DYNC1LI1: variants seen among roughly 807,000 people sequenced by gnomAD.
The protein encoded by DYNC1LI1 is cytoplasmic dynein 1 light intermediate chain 1.
DYNC1LI1 carries 19 observed loss-of-function variants against 63.8 expected under a neutral mutation model. That is an observed-to-expected ratio of 0.30 (90% CI 0.21 to 0.44). DYNC1LI1 has a LOEUF of 0.44. DYNC1LI1 is among the 20% of genes least tolerant of loss of function. DYNC1LI1 has a pLI of 1.00. For missense variants in DYNC1LI1, 565 were observed against 630.2 expected, an observed-to-expected ratio of 0.90 and a Z score of 1.11; for synonymous variants, 225 against 232.3, an observed-to-expected ratio of 0.97 and a Z score of 0.28.
intron 6 of DYNC1LI1, among the ~76,000 whole-genome samples, chr3:32,535,994 TTTTTA>T (rs1264151018): frequency 2.0e-5 from 3 of 152,118 alleles, no homozygotes; most frequent in South Asian, 2.1e-4. Context: ...TTACCCTCAC[TTTTTA>T]TTTTATTTTT....
chr3:32,553,180 G>A (rs1267217026), intron 2 of DYNC1LI1, among the ~76,000 whole-genome samples: 1 of 152,030 alleles, frequency 6.6e-6, no homozygotes, highest in Admixed American at 6.5e-5. Flanking sequence ...CAAAAAAATA[G>A]AAAAATTGGC....
At chr3:32,560,828 AC>A (rs1698179938) in intron 2 of DYNC1LI1, among the ~76,000 whole-genome samples, 1 of 150,788 alleles carries the variant, frequency 6.6e-6, no homozygotes, top group Non-Finnish European at 1.5e-5. Flanking sequence ...ACATGGAGAA[AC>A]CCCCGTCTAC....
At chr3:32,545,209 T>C (rs1575153897) in intron 3 of DYNC1LI1, 103 bp from the exon 4 acceptor site, 6 of 744,566 alleles carry the variant, frequency 8.1e-6, no homozygotes, top group East Asian at 2.7e-5. Context: ...ACAGGAGATG[T>C]GCTATTGGCT....
intron 4 of DYNC1LI1, among the ~76,000 whole-genome samples, chr3:32,544,574 C>T (rs910954522): frequency 6.6e-6 from 1 of 152,056 alleles, no homozygotes. Context: ...GCGAGACCAG[C>T]CTGGCCAATA....
At chr3:32,554,406 C>T (rs1698084172) in intron 2 of DYNC1LI1, among the ~76,000 whole-genome samples, 1 of 152,184 alleles carries the variant, frequency 6.6e-6, no homozygotes, top group Admixed American at 6.5e-5. Flanking sequence ...TTTCCCCACC[C>T]TGTGATTTCA....
At chr3:32,563,519 T>C (rs1356184404) in intron 2 of DYNC1LI1, among the ~76,000 whole-genome samples, 1 of 152,160 alleles carries the variant, frequency 6.6e-6, no homozygotes, top group Non-Finnish European at 1.5e-5. Flanking sequence ...CTCGAACTCA[T>C]GACTTGAAGT....
chr3:32,544,003 T>C (rs1202410367), intron 4 of DYNC1LI1, among the ~76,000 whole-genome samples: 2 of 151,194 alleles, frequency 1.3e-5, no homozygotes, highest in East Asian at 4.0e-4. Context: ...CGGGCAGAGG[T>C]TGCAGTGAAC....
At position 32,541,169 on chromosome 3, in the gene DYNC1LI1, T is replaced by C. The variant is rs763473356; in HGVS notation, c.606A>G (p.Glu202=). ...TTCTCTGGGGAGAAGCCGGGAAGTC[T>C]TCTCCTGGCTCTACATATTCTTGGA... ...RDFQEYVEPG[E]DFPASPQRRN... is the part of the protein sequence containing the mutation. Residue 202 remains glutamate (E), a synonymous_variant, in exon 5 of 13, where the codon GAA becomes GAG. Transcript: ENST00000273130. 2 of 1,612,570 alleles carry C rather than the reference T, an allele frequency of 1.2e-6. No homozygotes were observed. The highest frequency in any genetic ancestry group is 1.7e-6 in the Non-Finnish European group (2 of 1,179,080).
chr3:32,533,226 T>G, intron 7 of DYNC1LI1, 129 bp from the exon 8 acceptor site: 1 of 1,345,636 alleles, frequency 7.4e-7, no homozygotes. Context: ...AATTAGCTTT[T>G]CATTATGATG....
At chr3:32,538,337 G>A (rs1379087019) in intron 5 of DYNC1LI1, among the ~76,000 whole-genome samples, 2 of 151,036 alleles carry the variant, frequency 1.3e-5, no homozygotes, top group Non-Finnish European at 2.9e-5. Context: ...GATTTCAAAT[G>A]ATTAAAAATA....
In DYNC1LI1 at chr3:32,529,625, T is replaced by C; in HGVS notation, c.1221A>G (p.Arg407=). ...ASPRVPGGSP[R]TPNRSVSSNV... is the part of the protein sequence containing the mutation. ...TAGATGATACAGATCTATTTGGTGT[T>C]CGTGGGGAGCCTCCTGGGACTCTTG... The change falls in exon 11 of 13, where the codon CGA becomes CGG. Residue 407 remains arginine, a synonymous_variant. Coordinates refer to ENST00000273130, the MANE Select transcript of DYNC1LI1 (RefSeq NM_016141.4). 1.2e-6 allele frequency: 2 copies of C among 1,609,958 alleles called. No individual in the cohort carries two copies. Among genetic ancestry groups the C allele is most frequent in the South Asian group, 1.1e-5 (1 of 90,550 alleles).
At chr3:32,538,037 A>ATATATAATTTATATATATAT (rs1697819508) in intron 5 of DYNC1LI1, among the ~76,000 whole-genome samples, 1 of 8,768 alleles carries the variant, frequency 1.1e-4, no homozygotes, top group Non-Finnish European at 1.5e-4. Flanking sequence ...TATATATAAT[A>ATATATAATTTATATATATAT]TATATATATA....
At position 32,539,977 on chromosome 3, in the gene DYNC1LI1, G is replaced by A. The variant is rs58543537; in HGVS notation, c.738+1060C>T. Among the ~76,000 whole-genome samples the A allele has an allele frequency of 6.7e-3, 1,007 of 151,040 alleles. 15 individuals carry two copies. Among genetic ancestry groups the A allele is most frequent in the African/African-American group, 9.1e-3 (376 of 41,150 alleles). On this transcript the variant is annotated intron_variant, in intron 5 of 12. Transcript: ENST00000273130. ...CCTCCCGAGTACATGCCATTCTCCC[G>A]CTTCAGCCTCCTGAGTAGCTGGGAC...
intron 5 of DYNC1LI1, among the ~76,000 whole-genome samples, chr3:32,538,106 G>GA (rs1228784975): frequency 1.8e-5 from 1 of 56,928 alleles, no homozygotes; most frequent in Admixed American, 2.8e-4. Flanking sequence ...ATATAAAATA[G>GA]CAAAAAAAAA....
At chr3:32,570,065 T>A (rs988980377) in intron 2 of DYNC1LI1, 3 of 562,794 alleles carry the variant, frequency 5.3e-6, no homozygotes, top group Non-Finnish European at 9.6e-6. Context: ...ATCCCTCAGA[T>A]GAGCGATCGA....
chr3:32,527,966 C>G (rs1316632233), intron 12 of DYNC1LI1, among the ~76,000 whole-genome samples: 1 of 151,000 alleles, frequency 6.6e-6, no homozygotes, highest in East Asian at 1.9e-4. Context: ...ACTAAAAATA[C>G]AAAAATTAGC....
At chr3:32,533,877 CTTT>C (rs57075516) in intron 7 of DYNC1LI1, among the ~76,000 whole-genome samples, 3 of 130,462 alleles carry the variant, frequency 2.3e-5, no homozygotes, top group Non-Finnish European at 1.6e-5. Flanking sequence ...AGGTAACTTT[CTTT>C]TTTTTTTTTT....
Position 32,529,535 on chromosome 3 carries a change from T to A in DYNC1LI1, c.1306+5A>T, listed in dbSNP as rs1028332339. The A allele has an allele frequency of 1.2e-6, 2 of 1,603,944 alleles. No individual in the cohort carries two copies. Among genetic ancestry groups the A allele is most frequent in the Non-Finnish European group, 1.7e-6 (2 of 1,174,694 alleles). ...TGTCTTGTTATCTCCTAGAAAGAGA[T>A]GTACCTTTCATGTTTGGATCAATTT... On this transcript the variant is annotated splice_donor_5th_base_variant and intron_variant, in intron 11 of 12. Coordinates refer to ENST00000273130, the MANE Select transcript of DYNC1LI1 (RefSeq NM_016141.4).
At chr3:32,550,980 A>G (rs1157124628) in intron 2 of DYNC1LI1, among the ~76,000 whole-genome samples, 1 of 151,674 alleles carries the variant, frequency 6.6e-6, no homozygotes, top group Non-Finnish European at 1.5e-5. Flanking sequence ...TTAAATGTGT[A>G]AAAAAAATTT....
Sources: gnomAD v4.1 joint callset for allele counts (sites outside exome capture counted in the v4.1 genomes callset) on GRCh38, gnomAD v4.1.1 for gene constraint, MANE v1.5 for transcripts, NCBI Gene and HGNC (gene_info 2026-07-23, HGNC 2026-07-21) for gene names.